OPRM1: variants seen among roughly 807,000 people sequenced by gnomAD.
OPRM1 encodes opioid receptor mu 1.
In OPRM1, 27 loss-of-function variants were observed where a neutral mutation model predicts 31.8. The observed-to-expected ratio is 0.85, with a 90% CI of 0.63 to 1.17. The LOEUF is 1.17. Among genes scored for constraint, OPRM1 ranks in the 50% most tolerant of loss-of-function variants. The probability of loss-of-function intolerance (pLI) is 0.00; values close to 1 mark genes in which losing one functional copy is unlikely to be tolerated. For synonymous variants in OPRM1, 196 were observed against 189.9 expected (o/e 1.03, Z -0.26); for missense variants, 536 against 511.1 (o/e 1.05, Z -0.47).
chr6:154,120,081 T>C lies in OPRM1; in HGVS notation c.*1360T>C, dbSNP rs149616046. ...GGCCCATGCCTAGAAGCTCTCCATT[T>C]TGAACTTTTGTCAGCATTGATTAAA... On this transcript the variant is annotated 3_prime_UTR_variant, in exon 4 of 4. Coordinates refer to ENST00000330432, the MANE Select transcript of OPRM1 (RefSeq NM_000914.5). 7.0e-4 allele frequency among the ~76,000 whole-genome samples: 106 copies of C among 152,324 alleles called. 2 individuals carry two copies. In the East Asian group the frequency reaches 0.019, roughly 28 times the overall value.
At chr6:154,089,165 T>C (rs1268277864) in intron 1 of OPRM1, among the ~76,000 whole-genome samples, 2 of 152,202 alleles carry the variant, frequency 1.3e-5, no homozygotes, top group African/African-American at 2.4e-5. Flanking sequence ...ATTTTAACTA[T>C]ATTTATATAG....
At chr6:154,088,389 C>G (rs1208894423) in intron 1 of OPRM1, among the ~76,000 whole-genome samples, 1 of 152,158 alleles carries the variant, frequency 6.6e-6, no homozygotes, top group Non-Finnish European at 1.5e-5. Flanking sequence ...CTTTTGGGAG[C>G]AATTGATGTC....
chr6:154,064,033 T>G (rs1369048783), intron 1 of OPRM1, among the ~76,000 whole-genome samples: 1 of 152,102 alleles, frequency 6.6e-6, no homozygotes, highest in Non-Finnish European at 1.5e-5. Flanking sequence ...TGTTTTTAAT[T>G]TTTTGAGAAA....
intron 1 of OPRM1, among the ~76,000 whole-genome samples, chr6:154,065,743 T>G (rs938934822): frequency 2.0e-5 from 3 of 152,110 alleles, no homozygotes; most frequent in African/African-American, 4.8e-5. Flanking sequence ...CTAATTTAGG[T>G]GTATTTTTTT....
intron 1 of OPRM1, 121 bp from the exon 2 acceptor site, chr6:154,089,705 A>C: frequency 3.1e-6 from 2 of 655,488 alleles, no homozygotes; most frequent in Non-Finnish European, 5.2e-6. Context: ...CTGGAAAACA[A>C]TTCTATATCT....
At chr6:154,160,876 G>C (rs1798953839) in intron 3 of OPRM1, among the ~76,000 whole-genome samples, 1 of 152,148 alleles carries the variant, frequency 6.6e-6, no homozygotes, top group Non-Finnish European at 1.5e-5. Flanking sequence ...AGCCTCCTGA[G>C]CGAGACCACT....
At chr6:154,161,690 G>A (rs1436311455) in intron 3 of OPRM1, among the ~76,000 whole-genome samples, 1 of 152,112 alleles carries the variant, frequency 6.6e-6, no homozygotes, top group African/African-American at 2.4e-5. Flanking sequence ...GTAAGTCATG[G>A]CCCCTCTTCT....
intron 3 of OPRM1, among the ~76,000 whole-genome samples, chr6:154,109,480 T>C (rs1398708342): frequency 2.0e-5 from 3 of 152,228 alleles, no homozygotes; most frequent in African/African-American, 7.2e-5. Context: ...AAGTCTAATA[T>C]TCAAACATCA....
At position 154,018,209 on chromosome 6, in the gene OPRM1, A is replaced by G. The variant is rs1778124962; in HGVS notation, c.-1+7191A>G. 2.0e-5 allele frequency among the ~76,000 whole-genome samples: 3 copies of G among 152,156 alleles called. No individual in the cohort carries two copies. In the South Asian group the frequency reaches 6.2e-4, roughly 32 times the overall value. On this transcript the variant is annotated intron_variant, in intron 1 of 5. Coordinates refer to the OPRM1 transcript ENST00000434900. Reference sequence around the variant, plus strand: ...CGAGGTGGATGGATCACTTGAGGTCAGGAGTTTGAGACCAGCCTGGCCAAC... The same window carrying G: ...CGAGGTGGATGGATCACTTGAGGTCGGGAGTTTGAGACCAGCCTGGCCAAC...
At chr6:154,218,282 C>T (rs984195737) in intron 3 of OPRM1, among the ~76,000 whole-genome samples, 1 of 152,178 alleles carries the variant, frequency 6.6e-6, no homozygotes, top group Non-Finnish European at 1.5e-5. Flanking sequence ...GAGCATTCTT[C>T]CCACAGTGTC....
chr6:154,235,484 T>A (rs1255910992), intron 3 of OPRM1, among the ~76,000 whole-genome samples: 2 of 140,204 alleles, frequency 1.4e-5, no homozygotes, highest in Non-Finnish European at 1.5e-5. Context: ...TCAGCCGAGA[T>A]CGCACCATTG....
intron 3 of OPRM1, among the ~76,000 whole-genome samples, chr6:154,099,308 A>AAAG (rs1793978197): frequency 1.1e-5 from 1 of 87,174 alleles, no homozygotes; most frequent in Non-Finnish European, 2.1e-5. Flanking sequence ...AGGAAGGAAG[A>AAAG]AAGGAAGGAA....
At chr6:154,019,779 G>A (rs1429402794) in intron 1 of OPRM1, among the ~76,000 whole-genome samples, 43 of 133,508 alleles carry the variant, frequency 3.2e-4, no homozygotes, top group Non-Finnish European at 4.0e-4. Context: ...ACAGGGTCTC[G>A]CTCTGTTGCC....
intron 1 of OPRM1, among the ~76,000 whole-genome samples, chr6:154,053,218 G>T (rs550251832): frequency 6.6e-6 from 1 of 152,098 alleles, no homozygotes; most frequent in South Asian, 2.1e-4. Context: ...CAGTATTTTC[G>T]TCTTCAATCT....
chr6:154,162,272 G>A (rs188687858), intron 3 of OPRM1, among the ~76,000 whole-genome samples: 1 of 152,162 alleles, frequency 6.6e-6, no homozygotes, highest in African/African-American at 2.4e-5. Context: ...ACACATGTTT[G>A]CTGTTATTTC....
At chr6:154,236,508 G>A (rs980085821) in intron 3 of OPRM1, among the ~76,000 whole-genome samples, 4 of 152,152 alleles carry the variant, frequency 2.6e-5, no homozygotes, top group Admixed American at 2.6e-4. Context: ...ATTAAGCAAT[G>A]CCACTCAACT....
intron 1 of OPRM1, among the ~76,000 whole-genome samples, chr6:154,050,344 T>A (rs1781943551): frequency 6.6e-6 from 1 of 152,192 alleles, no homozygotes; most frequent in Non-Finnish European, 1.5e-5. Context: ...GGAAGCAACC[T>A]AAGTGTCCAT....
chr6:154,039,881 G>A (rs377638490), intron 1 of OPRM1, 47 bp downstream of exon 1: 2 of 1,504,036 alleles, frequency 1.3e-6, no homozygotes, highest in Admixed American at 2.0e-5. Context: ...GCGGCTTAAG[G>A]GGGTACAAAG....
intron 1 of OPRM1, among the ~76,000 whole-genome samples, chr6:154,066,386 G>A (rs1180890897): frequency 6.6e-6 from 1 of 151,992 alleles, no homozygotes; most frequent in Admixed American, 6.6e-5. Context: ...CACCAATGAA[G>A]CCATCAGGAC....
Sources: gnomAD v4.1 joint callset for allele counts (sites outside exome capture counted in the v4.1 genomes callset) on GRCh38, gnomAD v4.1.1 for gene constraint, MANE v1.5 for transcripts, NCBI Gene and HGNC (gene_info 2026-07-23, HGNC 2026-07-21) for gene names.